The following SDK2 variants were observed in gnomAD, a reference collection of about 807,000 sequenced individuals.
The protein encoded by SDK2 is protein sidekick-2.
SDK2 carries 105 observed loss-of-function variants against 253.9 expected under a neutral mutation model. The observed-to-expected ratio is 0.41, with a 90% CI of 0.35 to 0.49. SDK2 has a LOEUF of 0.49. SDK2 is among the 20% of genes least tolerant of loss of function. The pLI is 0.06. For missense variants in SDK2, 2,608 were observed against 3,003.0 expected, an observed-to-expected ratio of 0.87 and a Z score of 3.07; for synonymous variants, 1,249 against 1,234.9, an observed-to-expected ratio of 1.01 and a Z score of -0.24.
At chr17:73,498,700 G>A (rs1301231035) in intron 2 of SDK2, among the ~76,000 whole-genome samples, 1 of 152,216 alleles carries the variant, frequency 6.6e-6, no homozygotes, top group African/African-American at 2.4e-5. Flanking sequence ...GATGTTAAGG[G>A]ATTCAGAAGA....
chr17:73,409,762 C>G (rs1194436154), intron 18 of SDK2, among the ~76,000 whole-genome samples: 4 of 152,142 alleles, frequency 2.6e-5, no homozygotes, highest in Admixed American at 1.3e-4. Flanking sequence ...AAAAAAATCT[C>G]TGCTGCTTTT....
At chr17:73,432,775 T>C (rs899666797) in intron 10 of SDK2, among the ~76,000 whole-genome samples, 4 of 149,610 alleles carry the variant, frequency 2.7e-5, no homozygotes, top group East Asian at 2.0e-4. Context: ...TACGTGTGTG[T>C]GCACATGTGT....
chr17:73,373,092 A>G (rs773735660), intron 36 of SDK2, among the ~76,000 whole-genome samples: 1 of 152,150 alleles, frequency 6.6e-6, no homozygotes, highest in Non-Finnish European at 1.5e-5. Flanking sequence ...TGATTATTTT[A>G]GATTCCACAT....
At position 73,390,144 on chromosome 17, in the gene SDK2, T is replaced by C. The variant is rs891814032; in HGVS notation, c.4192+143A>G. ...AGTCTATTAGACCCCTTGCTGACTTTGACTTCAGAGATTGGAGCCCACCTT... is the reference window on the plus strand; with the variant it reads ...AGTCTATTAGACCCCTTGCTGACTTCGACTTCAGAGATTGGAGCCCACCTT... On this transcript the variant is annotated intron_variant, in intron 29 of 44. Coordinates refer to ENST00000392650, the MANE Select transcript of SDK2 (RefSeq NM_001144952.2). The C allele has an allele frequency of 1.4e-5, 10 of 725,758 alleles. No individual in the cohort carries two copies. In the African/African-American group the frequency reaches 1.8e-4, roughly 13 times the overall value. The allele number at this position is 725,758 out of a possible 1,614,324, so 45.0% of individuals were successfully genotyped here. A position where few individuals can be genotyped will look rare whatever the true frequency, so the allele number is the denominator to read the frequency against.
intron 2 of SDK2, among the ~76,000 whole-genome samples, chr17:73,472,926 C>T (rs2063662590): frequency 6.6e-6 from 1 of 152,226 alleles, no homozygotes; most frequent in East Asian, 1.9e-4. Context: ...ATTTGCTCCT[C>T]CTTGCCTTCC....
Position 73,435,369 on chromosome 17 carries a change from AG to A in SDK2, c.1195+80del, listed in dbSNP as rs2063358655. ...CTTAATGGAACGTGCTATGCACAAGAGGCCCCTCGGAAGACCTTGGAAGAAA... is the reference window on the plus strand; with the variant it reads ...CTTAATGGAACGTGCTATGCACAAGAGCCCCTCGGAAGACCTTGGAAGAAA... On this transcript the variant is annotated intron_variant, in intron 9 of 44. Transcript: ENST00000392650. The surrounding 1 kb of genome is among the most constrained non-coding windows in gnomAD (Gnocchi z 5.7). 3 of 1,357,854 alleles carry A rather than the reference AG, an allele frequency of 2.2e-6. No individual in the cohort carries two copies. Among genetic ancestry groups the A allele is most frequent in the Non-Finnish European group, 3.0e-6 (3 of 998,370 alleles). The allele number at this position is 1,357,854 out of a possible 1,614,324, so 84.1% of individuals were successfully genotyped here.
At chr17:73,504,834 C>A (rs566060730) in intron 2 of SDK2, among the ~76,000 whole-genome samples, 24 of 152,096 alleles carry the variant, frequency 1.6e-4, no homozygotes, top group Non-Finnish European at 2.9e-4. Context: ...GATGGTCTAG[C>A]GGGGGTGGCA....
intron 4 of SDK2, among the ~76,000 whole-genome samples, chr17:73,449,893 A>C (rs2063479688): frequency 6.6e-6 from 1 of 152,168 alleles, no homozygotes; most frequent in Non-Finnish European, 1.5e-5. Flanking sequence ...GTTGCACTCC[A>C]GCCTGAGCAA....
intron 1 of SDK2, among the ~76,000 whole-genome samples, chr17:73,619,538 T>C (rs771849886): frequency 1.3e-5 from 2 of 152,140 alleles, no homozygotes; most frequent in Non-Finnish European, 2.9e-5. Flanking sequence ...GATAACCACA[T>C]GCAAAAGAAT....
At chr17:73,351,534 G>A (rs1366873937) in intron 41 of SDK2, among the ~76,000 whole-genome samples, 1 of 152,190 alleles carries the variant, frequency 6.6e-6, no homozygotes, top group African/African-American at 2.4e-5. Flanking sequence ...GGTTTAGTTT[G>A]GAGTGAAATT....
At chr17:73,518,301 G>A (rs750026237) in intron 1 of SDK2, 2 of 144,454 alleles carry the variant, frequency 1.4e-5, no homozygotes, top group Non-Finnish European at 3.1e-5. Flanking sequence ...CTCACAGGCT[G>A]TGTTTCCCTG....
At chr17:73,617,246 A>G (rs1193153609) in intron 1 of SDK2, among the ~76,000 whole-genome samples, 2 of 105,426 alleles carry the variant, frequency 1.9e-5, no homozygotes, top group South Asian at 3.4e-4. Context: ...GGGAGGGGAG[A>G]GGCCTCCTGC....
At chr17:73,356,474 CTGGCT>C (rs2062593012) in intron 40 of SDK2, among the ~76,000 whole-genome samples, 1 of 152,202 alleles carries the variant, frequency 6.6e-6, no homozygotes, top group African/African-American at 2.4e-5. Context: ...CTGGCAGCTC[CTGGCT>C]TATAGAAAGG....
rs146751981 is a variant in SDK2 at position 73,388,522 on chromosome 17, G to C, written c.4193-485C>G. Among the ~76,000 whole-genome samples, 34 of 152,236 alleles carry C rather than the reference G, an allele frequency of 2.2e-4. No individual in the cohort carries two copies. The East Asian group carries it at 6.0e-3, about 27-fold the overall frequency. ...CAAACCTCAGCAGTACTGGAATTCAGAACAGATGACTCTGTGGCGGGGGCA... is the reference window on the plus strand; with the variant it reads ...CAAACCTCAGCAGTACTGGAATTCACAACAGATGACTCTGTGGCGGGGGCA... On this transcript the variant is annotated intron_variant, in intron 29 of 44. Transcript: ENST00000392650.
chr17:73,428,255 G>A (rs574069767), intron 12 of SDK2, among the ~76,000 whole-genome samples: 100 of 152,164 alleles, frequency 6.6e-4, no homozygotes, highest in African/African-American at 2.3e-3. Context: ...TAGTAGAGAC[G>A]GGGTTTCACC....
chr17:73,566,370 G>A (rs2045313292), intron 1 of SDK2, among the ~76,000 whole-genome samples: 1 of 138,704 alleles, frequency 7.2e-6, no homozygotes, highest in African/African-American at 2.9e-5. Context: ...CCAGTCTCAG[G>A]TATTCCTTTA....
intron 3 of SDK2, among the ~76,000 whole-genome samples, chr17:73,466,278 A>G (rs889308840): frequency 6.6e-6 from 1 of 152,010 alleles, no homozygotes; most frequent in Non-Finnish European, 1.5e-5. Flanking sequence ...CCTAAAGTCT[A>G]TTTCTCCCTG....
At chr17:73,635,419 T>A (rs2046318210) in intron 1 of SDK2, among the ~76,000 whole-genome samples, 1 of 152,148 alleles carries the variant, frequency 6.6e-6, no homozygotes, top group African/African-American at 2.4e-5. Flanking sequence ...CATTATGTGG[T>A]GACAGCCCAA....
At chr17:73,530,667 C>A (rs1227607343) in intron 1 of SDK2, among the ~76,000 whole-genome samples, 1 of 152,200 alleles carries the variant, frequency 6.6e-6, no homozygotes, top group Non-Finnish European at 1.5e-5. Context: ...AATGGCACTA[C>A]CACATGCATC....
Sources: allele counts gnomAD v4.1 joint callset (sites outside exome capture counted in the v4.1 genomes callset), GRCh38; gene constraint gnomAD v4.1.1; non-coding constraint Gnocchi (gnomAD v3.1); transcripts MANE v1.5; gene names NCBI Gene and HGNC (gene_info 2026-07-23, HGNC 2026-07-21).